Variants in ICA1 observed in about 807,000 individuals in gnomAD.
ICA1 encodes the protein islet cell autoantigen 1.
A neutral mutation model predicts 71.0 loss-of-function variants in ICA1; 40 were observed. The ratio of observed to expected loss-of-function variants is 0.56; its 90% CI spans 0.44 to 0.73. The LOEUF is 0.73. ICA1 is among the 30% of genes least tolerant of loss of function. ICA1 has a pLI of 0.00. For synonymous variants in ICA1, 207 were observed against 209.5 expected (o/e 0.99, Z 0.10); for missense variants, 578 against 576.5 (o/e 1.00, Z -0.03).
intron 8 of ICA1, among the ~76,000 whole-genome samples, chr7:8,155,979 G>A (rs58508538): frequency 0.029 from 4,427 of 152,278 alleles, 195 homozygotes; most frequent in African/African-American, 0.097. Context: ...GAGCAAAACA[G>A]TGCTCACTGT....
intron 4 of ICA1, among the ~76,000 whole-genome samples, chr7:8,224,521 G>A (rs1255559174): frequency 6.6e-6 from 1 of 152,130 alleles, no homozygotes; most frequent in Admixed American, 6.6e-5. Context: ...AGTATATAGA[G>A]TTCCTGTATA....
At chr7:8,184,326 A>C (rs953037190) in intron 6 of ICA1, among the ~76,000 whole-genome samples, 28 of 152,326 alleles carry the variant, frequency 1.8e-4, no homozygotes, top group Admixed American at 1.8e-3. Flanking sequence ...CCATGCTCCA[A>C]GAGGATTACA....
At chr7:8,166,612 C>A (rs953766106) in intron 6 of ICA1, among the ~76,000 whole-genome samples, 1 of 152,060 alleles carries the variant, frequency 6.6e-6, no homozygotes, top group Non-Finnish European at 1.5e-5. Context: ...ATGCCAAAAG[C>A]AATTTAACAA....
chr7:8,207,545 T>C (rs1792019176), intron 6 of ICA1, among the ~76,000 whole-genome samples: 1 of 152,216 alleles, frequency 6.6e-6, no homozygotes, highest in African/African-American at 2.4e-5. Flanking sequence ...TGAAAGGTAG[T>C]ACACATATTT....
rs1175594120 is a variant in ICA1, at chr7:8,234,299, G to A, written c.18-1544C>T. On this transcript the variant is annotated intron_variant, in intron 2 of 13. Transcript: ENST00000402384. The surrounding 1 kb of genome is among the most constrained non-coding windows in gnomAD (Gnocchi z 4.5). ...ATGGAATTGTGTAAAAGTGATTGGA[G>A]TACCCCAAATATGGCTGGAAAGTTT... Among the ~76,000 whole-genome samples the A allele has an allele frequency of 6.6e-6, 1 of 152,184 alleles. No homozygotes were observed. The highest frequency in any genetic ancestry group is 1.9e-4 in the East Asian group (1 of 5,194).
rs779698344 is a variant in ICA1 at position 8,113,941 on chromosome 7, G to A, written c.1434C>T (p.His478=). 4.3e-6 allele frequency: 7 copies of A among 1,614,016 alleles called. No individual in the cohort carries two copies. The highest frequency in any genetic ancestry group is 1.1e-5 in the South Asian group (1 of 91,086). ...PDAVGKTDKE[H]ELLNA is the part of the protein sequence containing the mutation. The stretch of plus-strand genomic sequence containing the variant: ...TACAGATTCATGCATTGAGCAATTC[G>A]TGTTCTTTATCGGTTTTCCCAACAG... Residue 478 remains histidine, a synonymous_variant, in exon 14 of 14, where the codon CAC becomes CAT. Coordinates refer to ENST00000402384, the MANE Select transcript of ICA1 (RefSeq NM_001136020.3). The surrounding 1 kb of genome is among the most constrained non-coding windows in gnomAD (Gnocchi z 4.2).
intron 6 of ICA1, among the ~76,000 whole-genome samples, chr7:8,209,042 C>G (rs1181211037): frequency 6.6e-6 from 1 of 152,124 alleles, no homozygotes; most frequent in Non-Finnish European, 1.5e-5. Context: ...CTTGCATGTG[C>G]CACCCAATAC....
Position 8,234,026 on chromosome 7 carries a change from C to T in ICA1, c.18-1271G>A, listed in dbSNP as rs577683043. Among the ~76,000 whole-genome samples the T allele has an allele frequency of 6.6e-6, 1 of 152,200 alleles. No homozygotes were observed. Among genetic ancestry groups the T allele is most frequent in the East Asian group, 1.9e-4 (1 of 5,168 alleles). On this transcript the variant is annotated intron_variant, in intron 2 of 13. Coordinates refer to ENST00000402384, the MANE Select transcript of ICA1 (RefSeq NM_001136020.3). This position sits in a 1 kb window ranked among gnomAD's most constrained non-coding sequence, Gnocchi z 4.5. Reference sequence around the variant, plus strand: ...CTGCTTGAGGCCAGGAGTTTCAGATCAGCCTGGGCAACATAGTAAAACCCC... The same window carrying T: ...CTGCTTGAGGCCAGGAGTTTCAGATTAGCCTGGGCAACATAGTAAAACCCC...
chr7:8,127,849 C>T (rs1339712638), intron 13 of ICA1, 24 bp downstream of exon 13: 3 of 1,562,744 alleles, frequency 1.9e-6, no homozygotes, highest in Non-Finnish European at 2.6e-6. Context: ...CAAAAAACCC[C>T]ATTTCAATCC....
intron 6 of ICA1, among the ~76,000 whole-genome samples, chr7:8,159,673 C>A (rs1263672345): frequency 6.6e-6 from 1 of 152,050 alleles, no homozygotes; most frequent in Non-Finnish European, 1.5e-5. Context: ...GCACCCCAGC[C>A]TGGGTGACAG....
Position 8,235,972 on chromosome 7 carries a change from G to A in ICA1, c.-46C>T. 2 of 1,591,532 alleles carry A rather than the reference G, an allele frequency of 1.3e-6. No individual in the cohort carries two copies. Among genetic ancestry groups the A allele is most frequent in the Non-Finnish European group, 1.7e-6 (2 of 1,164,980 alleles). On this transcript the variant is annotated 5_prime_UTR_variant, in exon 2 of 14. Transcript: ENST00000402384. ...TTGATGATTTGGGGAGAAGGGGCAGGAAAAAAGCATGAGAGGATAAGTTAT... is the reference window on the plus strand; with the variant it reads ...TTGATGATTTGGGGAGAAGGGGCAGAAAAAAAGCATGAGAGGATAAGTTAT...
At chr7:8,147,268 C>G (rs1399452093) in intron 8 of ICA1, among the ~76,000 whole-genome samples, 2 of 152,094 alleles carry the variant, frequency 1.3e-5, no homozygotes, top group African/African-American at 4.8e-5. Context: ...GTAATGTAAA[C>G]CACTCACTCC....
At position 8,221,255 on chromosome 7, in the gene ICA1, C is replaced by A. The variant is rs748393805; in HGVS notation, c.380+20G>T. The stretch of plus-strand genomic sequence containing the variant: ...TCTCCTCAGATCCCCCCAGATAGAA[C>A]CCCACTAAAGGCCACACACCTTTGC... On this transcript the variant is annotated intron_variant, in intron 5 of 13. Coordinates refer to ENST00000402384, the MANE Select transcript of ICA1 (RefSeq NM_001136020.3). 4 of 1,612,932 alleles carry A rather than the reference C, an allele frequency of 2.5e-6. No individual in the cohort carries two copies. The East Asian group carries it at 6.7e-5, about 27-fold the overall frequency.
intron 6 of ICA1, among the ~76,000 whole-genome samples, chr7:8,161,050 T>C (rs1803588979): frequency 6.6e-6 from 1 of 152,204 alleles, no homozygotes; most frequent in African/African-American, 2.4e-5. Flanking sequence ...TTCAGCCTTT[T>C]CCTACAAAGG....
intron 12 of ICA1, among the ~76,000 whole-genome samples, chr7:8,136,793 T>G (rs1793573374): frequency 6.6e-6 from 1 of 152,252 alleles, no homozygotes; most frequent in South Asian, 2.1e-4. Flanking sequence ...AAAGGGGGTA[T>G]GGACTGCTAG....
intron 1 of ICA1, among the ~76,000 whole-genome samples, chr7:8,243,145 A>C (rs1470700407): frequency 6.6e-6 from 1 of 152,232 alleles, no homozygotes; most frequent in Non-Finnish European, 1.5e-5. Flanking sequence ...ATCCCTGATA[A>C]ACATCAGTGT....
At chr7:8,240,086 T>C (rs1020860690) in intron 1 of ICA1, among the ~76,000 whole-genome samples, 3 of 152,170 alleles carry the variant, frequency 2.0e-5, no homozygotes, top group African/African-American at 4.8e-5. Context: ...ACAGACTGCC[T>C]CCTCAAGTAG....
chr7:8,248,134 T>C (rs1583804571), intron 1 of ICA1, among the ~76,000 whole-genome samples: 1 of 152,354 alleles, frequency 6.6e-6, no homozygotes, highest in African/African-American at 2.4e-5. Context: ...CAAAGATTCA[T>C]GTCTCCAATT....
At chr7:8,233,561 T>C (rs1800920509) in intron 2 of ICA1, among the ~76,000 whole-genome samples, 1 of 151,938 alleles carries the variant, frequency 6.6e-6, no homozygotes, top group Non-Finnish European at 1.5e-5. Context: ...GCCCAGCTAC[T>C]TTTTGTATGT....
Sources: gnomAD v4.1 joint callset for allele counts (sites outside exome capture counted in the v4.1 genomes callset) on GRCh38, gnomAD v4.1.1 for gene constraint, Gnocchi (gnomAD v3.1) non-coding constraint, MANE v1.5 for transcripts, NCBI Gene and HGNC (gene_info 2026-07-23, HGNC 2026-07-21) for gene names.